The following SHISA9 variants were observed in gnomAD, a reference collection of about 807,000 sequenced individuals.
SHISA9 encodes the protein protein shisa-9.
A neutral mutation model predicts 38.0 loss-of-function variants in SHISA9; 13 were observed. The ratio of observed to expected loss-of-function variants is 0.34; its 90% CI spans 0.22 to 0.54. SHISA9 has a LOEUF of 0.54. SHISA9 is among the 20% of genes least tolerant of loss of function. The probability of loss-of-function intolerance (pLI) is 0.91; values close to 1 mark genes in which losing one functional copy is unlikely to be tolerated. For synonymous variants in SHISA9, 275 were observed against 242.0 expected, an observed-to-expected ratio of 1.14 and a Z score of -1.27; for missense variants, 538 against 575.8, an observed-to-expected ratio of 0.93 and a Z score of 0.67.
chr16:13,168,661 G>A (rs1169353006), intron 2 of SHISA9, among the ~76,000 whole-genome samples: 1 of 152,232 alleles, frequency 6.6e-6, no homozygotes, highest in Non-Finnish European at 1.5e-5. Flanking sequence ...CTTAGGAGCA[G>A]CTAGCGAGCT....
chr16:13,037,198 C>G (rs1348578808), intron 2 of SHISA9, among the ~76,000 whole-genome samples: 3 of 150,860 alleles, frequency 2.0e-5, no homozygotes, highest in African/African-American at 7.3e-5. Context: ...ACATTCTTGC[C>G]TTTCTTGTGT....
intron 2 of SHISA9, among the ~76,000 whole-genome samples, chr16:13,076,007 A>G (rs2073576948): frequency 1.3e-5 from 2 of 151,864 alleles, no homozygotes. Flanking sequence ...TAAGGAGAAA[A>G]TCAACCCCCA....
chr16:12,996,952 A>C (rs534979524), intron 2 of SHISA9, among the ~76,000 whole-genome samples: 2 of 152,174 alleles, frequency 1.3e-5, no homozygotes, highest in Non-Finnish European at 2.9e-5. Context: ...GCAGCCCCCA[A>C]CTGCCAAATC....
the SHISA9 span, among the ~76,000 whole-genome samples, chr16:13,260,691 C>G: frequency 6.6e-6 from 1 of 152,222 alleles, no homozygotes; most frequent in Non-Finnish European, 1.5e-5. Flanking sequence ...CCCACATTTT[C>G]CTGTCTTCTT....
At chr16:12,967,816 A>G (rs549695274) in intron 2 of SHISA9, among the ~76,000 whole-genome samples, 195 of 152,262 alleles carry the variant, frequency 1.3e-3, no homozygotes, top group African/African-American at 4.5e-3. Context: ...TGCTGGTAAT[A>G]GTGGAAAAAT....
intron 4 of SHISA9, among the ~76,000 whole-genome samples, chr16:13,231,597 C>T (rs2051332137): frequency 6.6e-6 from 1 of 152,170 alleles, no homozygotes; most frequent in African/African-American, 2.4e-5. Flanking sequence ...GGAAGTTTCT[C>T]TTGAAAGGCT....
intron 4 of SHISA9, among the ~76,000 whole-genome samples, chr16:13,231,917 C>T (rs1324124396): frequency 6.6e-6 from 1 of 152,180 alleles, no homozygotes; most frequent in Non-Finnish European, 1.5e-5. Context: ...TTAGTTTAAT[C>T]ATTTTATATG....
At chr16:13,467,895 A>C in the SHISA9 span, among the ~76,000 whole-genome samples, 4 of 152,222 alleles carry the variant, frequency 2.6e-5, no homozygotes, top group African/African-American at 7.2e-5. Flanking sequence ...AGGAAGGAAT[A>C]CTTGCAAAAC....
At chr16:13,188,754 A>G (rs60750855) in intron 2 of SHISA9, among the ~76,000 whole-genome samples, 21,327 of 149,294 alleles carry the variant, frequency 0.14, 1,838 homozygotes, top group Middle Eastern at 0.21. Flanking sequence ...GAGGAAAACA[A>G]GAATTGAAAA....
the SHISA9 span, among the ~76,000 whole-genome samples, chr16:13,448,026 G>A: frequency 8.3e-3 from 1,267 of 152,292 alleles, 23 homozygotes; most frequent in African/African-American, 0.03. Flanking sequence ...GGCCCAGGGT[G>A]TCTATCGTTA....
At chr16:13,445,439 C>G in the SHISA9 span, among the ~76,000 whole-genome samples, 1 of 152,074 alleles carries the variant, frequency 6.6e-6, no homozygotes, top group African/African-American at 2.4e-5. Flanking sequence ...GTCTTTGGAA[C>G]CTAGTGGTCA....
chr16:12,988,497 T>C (rs572083169), intron 2 of SHISA9, among the ~76,000 whole-genome samples: 56 of 152,208 alleles, frequency 3.7e-4, no homozygotes, highest in African/African-American at 1.3e-3. Context: ...TTTGTATTTG[T>C]TTTCTTATAT....
chr16:13,538,563 T>C, the SHISA9 span, among the ~76,000 whole-genome samples: 2 of 152,122 alleles, frequency 1.3e-5, no homozygotes, highest in Non-Finnish European at 2.9e-5. Context: ...AGGCAATGTA[T>C]GTTTTTGCTT....
intron 2 of SHISA9, among the ~76,000 whole-genome samples, chr16:13,139,452 C>A (rs932802641): frequency 7.5e-5 from 10 of 132,654 alleles, no homozygotes; most frequent in African/African-American, 2.4e-4. Context: ...CTCTTCCTCT[C>A]CCTCTTTCTC....
At chr16:13,116,513 G>A (rs1025138082) in intron 2 of SHISA9, among the ~76,000 whole-genome samples, 10 of 152,312 alleles carry the variant, frequency 6.6e-5, no homozygotes, top group African/African-American at 2.4e-4. Flanking sequence ...TAAGAGCTGG[G>A]CAGCATGGGA....
intron 2 of SHISA9, among the ~76,000 whole-genome samples, chr16:12,955,394 C>T (rs1385306748): frequency 6.6e-6 from 1 of 152,084 alleles, no homozygotes; most frequent in Non-Finnish European, 1.5e-5. Flanking sequence ...GGCAGATGTG[C>T]CTCTGAGTGT....
chr16:13,384,543 C>G, the SHISA9 span, among the ~76,000 whole-genome samples: 3 of 152,148 alleles, frequency 2.0e-5, no homozygotes, highest in East Asian at 3.9e-4. Context: ...ATCCATTTTT[C>G]TCTACCAAGA....
intron 1 of SHISA9, among the ~76,000 whole-genome samples, chr16:12,906,791 T>C (rs1435792507): frequency 1.3e-5 from 2 of 152,196 alleles, no homozygotes; most frequent in Admixed American, 6.5e-5. Flanking sequence ...TCCTGCGTTG[T>C]ACGGGGCTGT....
chr16:13,476,849 C>T, the SHISA9 span, among the ~76,000 whole-genome samples: 15 of 141,520 alleles, frequency 1.1e-4, no homozygotes, highest in East Asian at 4.4e-4. Flanking sequence ...CCCTGGTTTA[C>T]GCCATTCTCC....
Sources: gnomAD v4.1 joint callset for allele counts (sites outside exome capture counted in the v4.1 genomes callset) on GRCh38, gnomAD v4.1.1 for gene constraint, MANE v1.5 for transcripts, NCBI Gene and HGNC (gene_info 2026-07-23, HGNC 2026-07-21) for gene names.